The following TRAPPC10 variants were observed in gnomAD, a reference collection of about 807,000 sequenced individuals.
TRAPPC10 encodes the protein TRAPP 130 kDa subunit.
A neutral mutation model predicts 125.5 loss-of-function variants in TRAPPC10; 23 were observed. The ratio of observed to expected loss-of-function variants is 0.18; its 90% CI spans 0.13 to 0.26. The LOEUF is 0.26. TRAPPC10 is among the 10% of genes least tolerant of loss of function. The pLI is 1.00. For missense variants in TRAPPC10, 1,123 were observed against 1,308.4 expected, an observed-to-expected ratio of 0.86 and a Z score of 2.19; for synonymous variants, 509 against 518.0, an observed-to-expected ratio of 0.98 and a Z score of 0.24.
chr21:44,014,002 G>A (rs2031505317), intron 1 of TRAPPC10, among the ~76,000 whole-genome samples: 1 of 152,228 alleles, frequency 6.6e-6, no homozygotes, highest in Non-Finnish European at 1.5e-5. Context: ...AAGTTTTACT[G>A]TCTTCCAGAG....
intron 3 of TRAPPC10, among the ~76,000 whole-genome samples, chr21:44,044,337 T>G (rs2034625849): frequency 6.6e-6 from 1 of 151,634 alleles, no homozygotes; most frequent in African/African-American, 2.4e-5. Flanking sequence ...CAAATCTTGA[T>G]TATCGTCTAT....
At chr21:44,091,892 C>T in intron 18 of TRAPPC10, 31 bp from the exon 19 acceptor site, 2 of 1,605,924 alleles carry the variant, frequency 1.2e-6, no homozygotes. Flanking sequence ...TCTTACATAT[C>T]AAAATAATAC....
At chr21:44,077,223 A>G (rs550936840) in intron 10 of TRAPPC10, among the ~76,000 whole-genome samples, 6 of 152,354 alleles carry the variant, frequency 3.9e-5, no homozygotes, top group Admixed American at 2.6e-4. Context: ...CAGGTTACCA[A>G]TTTTGCTTAT....
At chr21:44,083,454 T>A in intron 14 of TRAPPC10, 152 bp downstream of exon 14, 1 of 832,468 alleles carries the variant, frequency 1.2e-6, no homozygotes, top group Non-Finnish European at 1.8e-6. Context: ...AATACACTGA[T>A]GTTTTCTTTC....
chr21:44,013,827 GCTGT>G (rs1297450351), intron 1 of TRAPPC10, among the ~76,000 whole-genome samples: 2 of 152,294 alleles, frequency 1.3e-5, no homozygotes, highest in East Asian at 1.9e-4. Flanking sequence ...TTCAGCAGTA[GCTGT>G]CTTTTTTCCT....
intron 5 of TRAPPC10, 150 bp downstream of exon 5, chr21:44,056,043 G>A: frequency 1.5e-6 from 1 of 656,684 alleles, no homozygotes; most frequent in Non-Finnish European, 2.4e-6. Context: ...AATATCTTTA[G>A]GACTAGAAAG....
chr21:44,076,116 G>A (rs1466328174), intron 9 of TRAPPC10, among the ~76,000 whole-genome samples: 1 of 152,008 alleles, frequency 6.6e-6, no homozygotes, highest in Non-Finnish European at 1.5e-5. Flanking sequence ...GTTTTACGTA[G>A]GAATATATGA....
At chr21:44,034,645 C>G (rs1435865761) in intron 2 of TRAPPC10, among the ~76,000 whole-genome samples, 1 of 152,160 alleles carries the variant, frequency 6.6e-6, no homozygotes, top group East Asian at 1.9e-4. Context: ...ATACGTCCAC[C>G]TGAAACCTCA....
intron 2 of TRAPPC10, among the ~76,000 whole-genome samples, chr21:44,035,800 A>G (rs1032373856): frequency 3.3e-4 from 50 of 152,212 alleles, no homozygotes; most frequent in African/African-American, 1.2e-3. Flanking sequence ...GAAATAAAAC[A>G]AAAAATAATT....
At chr21:44,089,281 A>G in intron 17 of TRAPPC10, 1 of 345,186 alleles carries the variant, frequency 2.9e-6, no homozygotes, top group Non-Finnish European at 5.8e-6. Context: ...TGTGGGGAAT[A>G]AGGCTTGAGA....
rs2036181392 is a variant in TRAPPC10 at position 44,063,152 on chromosome 21, T to A, written c.791-386T>A. On this transcript the variant is annotated intron_variant, in intron 6 of 22. Coordinates refer to ENST00000291574, the MANE Select transcript of TRAPPC10 (RefSeq NM_003274.5). This position sits in a 1 kb window ranked among gnomAD's most constrained non-coding sequence, Gnocchi z 4.4. ...AAACACCAGGATGGTCAGAGCAGGC[T>A]GCACTCCAGCCCACAGGTAAAGATA... 7.7e-7 allele frequency: 1 copy of A among 1,305,848 alleles called. No individual in the cohort carries two copies. The highest frequency in any genetic ancestry group is 2.3e-5 in the Admixed American group (1 of 43,186). The allele number at this position is 1,305,848 out of a possible 1,614,324, so 80.9% of individuals were successfully genotyped here.
intron 18 of TRAPPC10, 150 bp from the exon 19 acceptor site, chr21:44,091,773 A>C: frequency 1.3e-6 from 1 of 768,086 alleles, no homozygotes; most frequent in Non-Finnish European, 2.0e-6. Context: ...TCGGTGTGAA[A>C]TCTGAAGGGA....
In TRAPPC10 at chr21:44,074,373, T is replaced by G; in HGVS notation, c.1088T>G (p.Leu363Arg). 6.2e-7 allele frequency: 1 copy of G among 1,614,206 alleles called. No individual in the cohort carries two copies. Among genetic ancestry groups the G allele is most frequent in the Non-Finnish European group, 8.5e-7 (1 of 1,180,034 alleles). The stretch of plus-strand genomic sequence containing the variant: ...GACTGCTGGGTGTTTCTGAGCTGTC[T>G]GGAGGTGTTGCAGAGGATAGAAGGC... ...ALDCWVFLSC[L>R]EVLQRIEGCC... is the part of the protein sequence containing the mutation. Residue 363 changes from leucine (L) to arginine (R), a missense_variant, in exon 8 of 23, where the codon CTG (leucine) becomes CGG (arginine). Coordinates refer to ENST00000291574, the MANE Select transcript of TRAPPC10 (RefSeq NM_003274.5).
At chr21:44,073,901 C>G (rs1225290489) in intron 7 of TRAPPC10, among the ~76,000 whole-genome samples, 2 of 152,046 alleles carry the variant, frequency 1.3e-5, no homozygotes, top group Non-Finnish European at 2.9e-5. Context: ...TTTTCCCTCC[C>G]CTCTTGACAC....
chr21:44,063,813 C>G lies in TRAPPC10; in HGVS notation c.1038+28C>G, dbSNP rs376383994. 5.7e-5 allele frequency: 91 copies of G among 1,600,994 alleles called. No individual in the cohort carries two copies. Among genetic ancestry groups the G allele is most frequent in the Admixed American group, 3.1e-4 (18 of 58,964 alleles). On this transcript the variant is annotated intron_variant, in intron 7 of 22. Coordinates refer to ENST00000291574, the MANE Select transcript of TRAPPC10 (RefSeq NM_003274.5). This position sits in a 1 kb window ranked among gnomAD's most constrained non-coding sequence, Gnocchi z 4.4. ...GAGTCGGCTGTTTTCCCAATTTACC[C>G]GTTTCTTGATTGTTCCAGCAGAAAT...
rs2037879598 is a variant in TRAPPC10, at chr21:44,083,179, G to A, written c.2115G>A (p.Arg705=). 2.5e-6 allele frequency: 4 copies of A among 1,614,124 alleles called. No homozygotes were observed. The highest frequency in any genetic ancestry group is 2.7e-5 in the African/African-American group (2 of 74,948). The change falls in exon 14 of 23, where the codon AGG becomes AGA. Residue 705 remains arginine (R), a synonymous_variant. Transcript: ENST00000291574. ...GAAACGTCCACATGCTCCTGAGAAG[G>A]CAGGAGAGCAGCTCCTCTCTAGAGA... is the stretch of plus-strand genomic sequence containing the variant. The part of the protein sequence containing the change: ...ICRNVHMLLR[R]QESSSSLEMP...
At chr21:44,066,433 C>G (rs2036456173) in intron 7 of TRAPPC10, among the ~76,000 whole-genome samples, 1 of 152,216 alleles carries the variant, frequency 6.6e-6, no homozygotes, top group Admixed American at 6.5e-5. Context: ...CCTTGCACAG[C>G]TGGCTGCTGG....
intron 3 of TRAPPC10, among the ~76,000 whole-genome samples, chr21:44,046,059 G>T (rs1479344856): frequency 2.0e-5 from 3 of 151,738 alleles, no homozygotes; most frequent in Non-Finnish European, 4.4e-5. Flanking sequence ...TATACCTTCT[G>T]CATCACAATT....
intron 3 of TRAPPC10, among the ~76,000 whole-genome samples, chr21:44,047,906 C>G (rs978769476): frequency 1.3e-5 from 2 of 152,184 alleles, no homozygotes; most frequent in African/African-American, 4.8e-5. Context: ...TGTGTCATTA[C>G]TGGGGCTATT....
Sources: gnomAD v4.1 joint callset for allele counts (sites outside exome capture counted in the v4.1 genomes callset) on GRCh38, gnomAD v4.1.1 for gene constraint, Gnocchi (gnomAD v3.1) non-coding constraint, MANE v1.5 for transcripts, NCBI Gene and HGNC (gene_info 2026-07-23, HGNC 2026-07-21) for gene names.